ATP8B2: variants seen among roughly 807,000 people sequenced by gnomAD.
The protein encoded by ATP8B2 is ATPase phospholipid transporting 8B2.
A neutral mutation model predicts 133.4 loss-of-function variants in ATP8B2; 70 were observed. The observed-to-expected ratio is 0.52, with a 90% CI of 0.43 to 0.64. The LOEUF (loss-of-function observed/expected upper bound fraction) is 0.64, where lower values mean the gene tolerates loss of function less well. Among genes scored for constraint, ATP8B2 ranks in the 30% least tolerant of loss-of-function variants. ATP8B2 has a pLI of 0.00. For missense variants in ATP8B2, 1,101 were observed against 1,535.7 expected, an observed-to-expected ratio of 0.72 and a Z score of 4.73; for synonymous variants, 517 against 589.5, an observed-to-expected ratio of 0.88 and a Z score of 1.78.
rs777449123 is a variant in ATP8B2, at chr1:154,345,322, C to T, written c.2471C>T (p.Thr824Met). The T allele has an allele frequency of 8.7e-6, 14 of 1,613,726 alleles. No homozygotes were observed. The highest frequency in any genetic ancestry group is 1.2e-5 in the Non-Finnish European group (14 of 1,179,976). The change falls in exon 23 of 28, where the codon ACG becomes ATG. Residue 824 changes from threonine (T) to methionine (M), a missense_variant and splice_region_variant. Physicochemically the swap from Thr to Met is moderately conservative, Grantham distance 81. Transcript: ENST00000368489. The surrounding 1 kb of genome is among the most constrained non-coding windows in gnomAD (Gnocchi z 5.6). ...CTCTTGTCATCTCTTGTCTCTGCAG[C>T]GGCTCACATTGGTGTGGGGATCAGT... ...DGANDVSMIK[T>M]AHIGVGISGQ...
chr1:154,327,751 G>A (rs778554915), intron 1 of ATP8B2: 16 of 1,564,246 alleles, frequency 1.0e-5, no homozygotes, highest in Non-Finnish European at 1.4e-5. Flanking sequence ...GTAAGCACAA[G>A]CACTACTCAT....
At chr1:154,333,293 G>A (rs892803717) in intron 9 of ATP8B2, among the ~76,000 whole-genome samples, 8 of 151,956 alleles carry the variant, frequency 5.3e-5, no homozygotes, top group Non-Finnish European at 1.2e-4. Context: ...TCGTGCCACT[G>A]CACTCCAGCC....
At position 154,350,819 on chromosome 1, in the gene ATP8B2, T is replaced by A. The variant is rs1369171201; in HGVS notation, c.*1701T>A. ...TTGAGAAGAATCCTTTCCTCTTCTTTGATAGTGGGTCGGGGGATTCTTCAG... is the reference window on the plus strand; with the variant it reads ...TTGAGAAGAATCCTTTCCTCTTCTTAGATAGTGGGTCGGGGGATTCTTCAG... On this transcript the variant is annotated 3_prime_UTR_variant, in exon 28 of 28. Coordinates refer to ENST00000368489, the MANE Select transcript of ATP8B2 (RefSeq NM_001370597.1). 6.6e-6 allele frequency: 1 copy of A among 152,300 alleles called. No individual in the cohort carries two copies. The highest frequency in any genetic ancestry group is 2.4e-5 in the African/African-American group (1 of 41,390). 9.4% of individuals were successfully genotyped at this position (152,300 alleles called of 1,614,324 possible).
Position 154,328,659 on chromosome 1 carries a change from G to A in ATP8B2, c.31+487G>A, listed in dbSNP as rs528803470. Reference sequence around the variant, plus strand: ...CTCGCGCGCGAGCTTTCGCCTACGCGGCGCGCTGGCAGGCTGCGGCTCCTG... The same window carrying A: ...CTCGCGCGCGAGCTTTCGCCTACGCAGCGCGCTGGCAGGCTGCGGCTCCTG... On this transcript the variant is annotated intron_variant, in intron 2 of 27. Coordinates refer to ENST00000368489, the MANE Select transcript of ATP8B2 (RefSeq NM_001370597.1). The surrounding 1 kb of genome is among the most constrained non-coding windows in gnomAD (Gnocchi z 4.6). 1.0e-5 allele frequency: 6 copies of A among 585,200 alleles called. No individual in the cohort carries two copies. In the South Asian group the frequency reaches 4.3e-4, roughly 42 times the overall value. 36.3% of individuals were successfully genotyped at this position (585,200 alleles called of 1,614,324 possible). A position where few individuals can be genotyped will look rare whatever the true frequency, so the allele number is the denominator to read the frequency against.
rs767471283 is a variant in ATP8B2, at chr1:154,334,488, C to T, written c.749-15C>T. 27 of 1,613,466 alleles carry T rather than the reference C, an allele frequency of 1.7e-5. No homozygotes were observed. Among genetic ancestry groups the T allele is most frequent in the East Asian group, 4.5e-5 (2 of 44,900 alleles). On this transcript the variant is annotated splice_polypyrimidine_tract_variant and intron_variant, in intron 10 of 27. Transcript: ENST00000368489. The surrounding 1 kb of genome is among the most constrained non-coding windows in gnomAD (Gnocchi z 4.6). ...GTGTTATTTGGCTTTCCCAGCCCTT[C>T]CCATTCTTTTCCAGGTCCCGACACT...
In ATP8B2 at chr1:154,332,614, C is replaced by T; in HGVS notation, c.510-4C>T. The T allele has an allele frequency of 6.3e-7, 1 of 1,582,292 alleles. No individual in the cohort carries two copies. The highest frequency in any genetic ancestry group is 8.6e-7 in the Non-Finnish European group (1 of 1,162,722). On this transcript the variant is annotated splice_region_variant and splice_polypyrimidine_tract_variant and intron_variant, in intron 8 of 27. Transcript: ENST00000368489. ...GCGGGGACTCAGAGATACTGTCCTTCCAGCGAGACCAACATGAAAGTACGT... is the reference window on the plus strand; with the variant it reads ...GCGGGGACTCAGAGATACTGTCCTTTCAGCGAGACCAACATGAAAGTACGT...
chr1:154,330,763 G>A (rs1037411520), intron 3 of ATP8B2, 52 bp from the exon 4 acceptor site: 22 of 1,489,108 alleles, frequency 1.5e-5, no homozygotes, highest in Non-Finnish European at 2.1e-5. Flanking sequence ...CCTCAGTCTG[G>A]TTCTGGGTTG....
chr1:154,345,461 G>A lies in ATP8B2; in HGVS notation c.2610G>A (p.Lys870=). ...GCTGGTCCTACCTGCGAATGTGCAA[G>A]TTTCTTTGCTATTTCTTCTACAAAA... is the stretch of plus-strand genomic sequence containing the variant. ...HGRWSYLRMC[K]FLCYFFYKNF... is the part of the protein sequence containing the mutation. Residue 870 remains lysine (K), a synonymous_variant, in exon 23 of 28, where the codon AAG becomes AAA. Transcript: ENST00000368489. This position sits in a 1 kb window ranked among gnomAD's most constrained non-coding sequence, Gnocchi z 5.6. 2 of 1,614,226 alleles carry A rather than the reference G, an allele frequency of 1.2e-6. No homozygotes were observed. The highest frequency in any genetic ancestry group is 1.7e-6 in the Non-Finnish European group (2 of 1,180,032).
Position 154,346,485 on chromosome 1 carries a change from C to T in ATP8B2, c.3024+9C>T, listed in dbSNP as rs774809693. ...TTGTGGTTAGCGTGCAGGTATGAGGCCATCCAGGAACTCCCCTCTTCTCTG... is the reference window on the plus strand; with the variant it reads ...TTGTGGTTAGCGTGCAGGTATGAGGTCATCCAGGAACTCCCCTCTTCTCTG... On this transcript the variant is annotated intron_variant, in intron 25 of 27. Transcript: ENST00000368489. This position sits in a 1 kb window ranked among gnomAD's most constrained non-coding sequence, Gnocchi z 4.5. 1.2e-6 allele frequency: 2 copies of T among 1,608,494 alleles called. No homozygotes were observed. Among genetic ancestry groups the T allele is most frequent in the African/African-American group, 1.3e-5 (1 of 74,856 alleles).
chr1:154,348,438 C>A lies in ATP8B2; in HGVS notation c.3194C>A (p.Thr1065Lys), dbSNP rs752212863. The A allele has an allele frequency of 2.5e-6, 4 of 1,612,912 alleles. No homozygotes were observed. The highest frequency in any genetic ancestry group is 3.4e-6 in the Non-Finnish European group (4 of 1,179,024). Residue 1065 changes from threonine to lysine, a missense_variant, in exon 27 of 28, where the codon ACG becomes AAG. Coordinates refer to ENST00000368489, the MANE Select transcript of ATP8B2 (RefSeq NM_001370597.1). ...GNAQNTLAQP[T>K]VWLTIVLTTV... ...GCCCAGAACACCTTGGCCCAGCCCA[C>A]GGTGTGGCTGACCATTGTGCTCACC... is the stretch of plus-strand genomic sequence containing the variant.
intron 13 of ATP8B2, chr1:154,341,309 A>C (rs1686377168): frequency 3.6e-6 from 2 of 560,606 alleles, no homozygotes; most frequent in South Asian, 4.0e-5. Context: ...ACATAGTGAG[A>C]CCACATCCCT....
chr1:154,330,322 C>T, intron 2 of ATP8B2, 74 bp from the exon 3 acceptor site: 12 of 1,368,450 alleles, frequency 8.8e-6, no homozygotes, highest in Non-Finnish European at 1.1e-5. Context: ...TGGAAAAAAA[C>T]AGGGAACCCC....
Position 154,345,629 on chromosome 1 carries a change from A to T in ATP8B2, c.2694+84A>T, listed in dbSNP as rs1686556206. 1.1e-5 allele frequency: 15 copies of T among 1,377,710 alleles called. No homozygotes were observed. In the South Asian group the frequency reaches 1.7e-4, roughly 16 times the overall value. The allele number at this position is 1,377,710 out of a possible 1,614,324, so 85.3% of individuals were successfully genotyped here. On this transcript the variant is annotated intron_variant, in intron 23 of 27. Transcript: ENST00000368489. The surrounding 1 kb of genome is among the most constrained non-coding windows in gnomAD (Gnocchi z 5.6). ...TGTCTTGTTTATCACTCAGTCCCCC[A>T]GGGCCTAGCTATTTTCTGGTACATA...
At position 154,346,704 on chromosome 1, in the gene ATP8B2, G is replaced by A; in HGVS notation, c.3109G>A (p.Ala1037Thr). 6.2e-7 allele frequency: 1 copy of A among 1,614,118 alleles called. No individual in the cohort carries two copies. Among genetic ancestry groups the A allele is most frequent in the Non-Finnish European group, 8.5e-7 (1 of 1,180,018 alleles). Residue 1037 changes from alanine (A) to threonine (T), a missense_variant, in exon 26 of 28, where the codon GCC becomes ACC. Coordinates refer to ENST00000368489, the MANE Select transcript of ATP8B2 (RefSeq NM_001370597.1). This position sits in a 1 kb window ranked among gnomAD's most constrained non-coding sequence, Gnocchi z 4.5. ...SLAVYFAILF[A>T]MHSNGLFDMF... ...TGCTGTTTACTTTGCCATCCTCTTTGCCATGCACAGCAATGGGCTCTTCGA... is the reference window on the plus strand; with the variant it reads ...TGCTGTTTACTTTGCCATCCTCTTTACCATGCACAGCAATGGGCTCTTCGA...
In ATP8B2 at chr1:154,334,488, C is replaced by A; in HGVS notation, c.749-15C>A. 6.2e-7 allele frequency: 1 copy of A among 1,613,582 alleles called. No individual in the cohort carries two copies. Among genetic ancestry groups the A allele is most frequent in the South Asian group, 1.1e-5 (1 of 90,996 alleles). On this transcript the variant is annotated splice_polypyrimidine_tract_variant and intron_variant, in intron 10 of 27. Transcript: ENST00000368489. This position sits in a 1 kb window ranked among gnomAD's most constrained non-coding sequence, Gnocchi z 4.6. ...GTGTTATTTGGCTTTCCCAGCCCTT[C>A]CCATTCTTTTCCAGGTCCCGACACT...
chr1:154,345,504 GTC>G lies in ATP8B2; in HGVS notation c.2654_2655del (p.Val885AlafsTer17). The stretch of plus-strand genomic sequence containing the variant: ...CTACAAAAACTTTGCTTTCACCATG[GTC>G]CACTTCTGGTTTGGCTTCTTCTGTG... Reference protein sequence around the residue: ...FFYKNFAFTMVHFWFGFFCGF... With the variant: ...FFYKNFAFTMXHFWFGFFCGF... On this transcript the variant is annotated frameshift_variant, in exon 23 of 28. Coordinates refer to ENST00000368489, the MANE Select transcript of ATP8B2 (RefSeq NM_001370597.1). LOFTEE classifies it high-confidence loss of function. The surrounding 1 kb of genome is among the most constrained non-coding windows in gnomAD (Gnocchi z 5.6). 3 of 1,614,092 alleles carry G rather than the reference GTC, an allele frequency of 1.9e-6. No homozygotes were observed. Among genetic ancestry groups the G allele is most frequent in the Non-Finnish European group, 2.5e-6 (3 of 1,180,024 alleles).
At position 154,344,022 on chromosome 1, in the gene ATP8B2, G is replaced by A. The variant is rs1686493938; in HGVS notation, c.1888G>A (p.Ala630Thr). Residue 630 changes from alanine (A) to threonine (T), a missense_variant, in exon 18 of 28, where the codon GCT (alanine) becomes ACT (threonine). By Grantham distance (58) the Ala-to-Thr change is moderately conservative. Transcript: ENST00000368489. The surrounding 1 kb of genome is among the most constrained non-coding windows in gnomAD (Gnocchi z 4.1). ...CCAGGACAGCCGGGAGGACAGGCTG[G>A]CTAGCATCTATGAGGAGGTTGAGAA... ...LAQDSREDRL[A>T]SIYEEVENNM... The A allele has an allele frequency of 3.1e-6, 5 of 1,614,018 alleles. No individual in the cohort carries two copies. The highest frequency in any genetic ancestry group is 3.3e-5 in the Admixed American group (2 of 60,004).
chr1:154,338,575 G>A (rs1358671361), intron 12 of ATP8B2, among the ~76,000 whole-genome samples: 7 of 152,080 alleles, frequency 4.6e-5, no homozygotes, highest in African/African-American at 1.2e-4. Flanking sequence ...TAGGAGAATC[G>A]CTTGAAACCG....
chr1:154,343,494 G>A lies in ATP8B2; in HGVS notation c.1684G>A (p.Ala562Thr), dbSNP rs144911507. The A allele has an allele frequency of 2.5e-6, 4 of 1,614,082 alleles. No homozygotes were observed. The highest frequency in any genetic ancestry group is 2.5e-6 in the Non-Finnish European group (3 of 1,180,022). Residue 562 changes from alanine (A) to threonine (T), a missense_variant, in exon 17 of 28, where the codon GCT (alanine) becomes ACT (threonine). Transcript: ENST00000368489. The surrounding 1 kb of genome is among the most constrained non-coding windows in gnomAD (Gnocchi z 5.8). ...GAAGATCCGACTCTACTGCAAAGGG[G>A]CTGACACTATCCTACTGGACAGACT... ...EGKIRLYCKG[A>T]DTILLDRLHH... is the part of the protein sequence containing the mutation.
Sources: allele counts gnomAD v4.1 joint callset (sites outside exome capture counted in the v4.1 genomes callset), GRCh38; gene constraint gnomAD v4.1.1; non-coding constraint Gnocchi (gnomAD v3.1); transcripts MANE v1.5; gene names NCBI Gene and HGNC (gene_info 2026-07-23, HGNC 2026-07-21).